Variants in TTLL5 observed in about 807,000 individuals in gnomAD.
The protein encoded by TTLL5 is tubulin polyglutamylase TTLL5.
In TTLL5, 132 loss-of-function variants were observed where a neutral mutation model predicts 168.4. The ratio of observed to expected loss-of-function variants is 0.78; its 90% CI spans 0.68 to 0.91. The LOEUF is 0.91. Ranked by LOEUF, TTLL5 falls within the 40% of genes least tolerant of loss-of-function variation. The probability of loss-of-function intolerance (pLI) is 0.00; values close to 1 mark genes in which losing one functional copy is unlikely to be tolerated. For missense variants in TTLL5, 1,545 were observed against 1,581.5 expected, an observed-to-expected ratio of 0.98 and a Z score of 0.39; for synonymous variants, 546 against 558.6, an observed-to-expected ratio of 0.98 and a Z score of 0.32.
intron 27 of TTLL5, among the ~76,000 whole-genome samples, chr14:75,818,820 G>A (rs1442276356): frequency 6.6e-6 from 1 of 152,064 alleles, no homozygotes; most frequent in African/African-American, 2.4e-5. Flanking sequence ...AAATGTTAAT[G>A]CATACGTAAT....
intron 9 of TTLL5, 129 bp downstream of exon 9, chr14:75,707,836 G>T (rs1024386828): frequency 1.3e-6 from 1 of 769,520 alleles, no homozygotes; most frequent in Non-Finnish European, 2.1e-6. Context: ...GCTTACAGAT[G>T]CAATCCACCT....
chr14:75,667,153 T>C (rs1270224530), intron 2 of TTLL5, among the ~76,000 whole-genome samples: 1 of 152,218 alleles, frequency 6.6e-6, no homozygotes. Context: ...TGTTAGAGAC[T>C]TGGCTTTCTA....
chr14:75,678,343 A>G (rs1056293804), intron 3 of TTLL5, among the ~76,000 whole-genome samples: 2 of 152,204 alleles, frequency 1.3e-5, no homozygotes, highest in Non-Finnish European at 2.9e-5. Context: ...ATGCCCTAAT[A>G]CATTATTCAG....
At chr14:75,817,635 AG>A (rs1894510125) in intron 27 of TTLL5, among the ~76,000 whole-genome samples, 1 of 152,106 alleles carries the variant, frequency 6.6e-6, no homozygotes, top group Non-Finnish European at 1.5e-5. Context: ...CAAAATTATT[AG>A]GCCCTTAGAA....
chr14:75,874,708 T>A (rs2031317404), intron 29 of TTLL5, among the ~76,000 whole-genome samples: 1 of 152,162 alleles, frequency 6.6e-6, no homozygotes, highest in African/African-American at 2.4e-5. Context: ...GAAATTATTT[T>A]AAGGAAATGA....
intron 20 of TTLL5, among the ~76,000 whole-genome samples, 174 bp downstream of exon 20, chr14:75,766,542 G>A (rs979000401): frequency 1.3e-5 from 2 of 152,136 alleles, no homozygotes; most frequent in African/African-American, 4.8e-5. Flanking sequence ...GCCTTAGAGA[G>A]GTTAGGTAAC....
intron 30 of TTLL5, chr14:75,887,187 G>A: frequency 1.0e-6 from 1 of 999,786 alleles, no homozygotes; most frequent in Non-Finnish European, 1.2e-6. Flanking sequence ...GGGTAGCCTG[G>A]TAGCACCAAA....
intron 10 of TTLL5, among the ~76,000 whole-genome samples, chr14:75,719,236 G>T (rs1413401159): frequency 2.0e-5 from 3 of 152,194 alleles, no homozygotes; most frequent in Non-Finnish European, 4.4e-5. Context: ...AAAGAGGAGG[G>T]AACCTGCTTC....
At chr14:75,906,757 A>G (rs1451732210) in intron 31 of TTLL5, 2 of 976,588 alleles carry the variant, frequency 2.0e-6, no homozygotes, top group African/African-American at 3.5e-5. Flanking sequence ...AGTGGCTACC[A>G]AAAGAAGTTC....
At chr14:75,882,957 T>G in intron 30 of TTLL5, 55 bp downstream of exon 30, 1 of 1,553,606 alleles carries the variant, frequency 6.4e-7, no homozygotes, top group Non-Finnish European at 8.8e-7. Flanking sequence ...AAGCTAATAG[T>G]ACTCTTTATT....
chr14:75,663,033 C>A, intron 1 of TTLL5, 22 bp from the exon 2 acceptor site: 2 of 821,290 alleles, frequency 2.4e-6, no homozygotes, highest in East Asian at 2.6e-5. Flanking sequence ...TCAATTGATC[C>A]AATCAAGTTG....
chr14:75,781,838 C>G (rs368024654), intron 24 of TTLL5, among the ~76,000 whole-genome samples: 2 of 151,906 alleles, frequency 1.3e-5, no homozygotes, highest in Non-Finnish European at 2.9e-5. Context: ...ACCTGTAAAT[C>G]CCAAGTACTC....
chr14:75,752,984 G>A (rs1238429728), intron 18 of TTLL5, 29 bp downstream of exon 18: 2 of 1,591,756 alleles, frequency 1.3e-6, no homozygotes, highest in South Asian at 1.1e-5. Context: ...TTAAATTTAG[G>A]ACTAGATCAC....
chr14:75,813,258 CTGTGTGTGTGTTTG>C (rs1218396284), intron 27 of TTLL5, among the ~76,000 whole-genome samples: 36 of 116,710 alleles, frequency 3.1e-4, no homozygotes, highest in African/African-American at 1.1e-3. Context: ...TATCCAGGCA[CTGTGTGTGTGTTTG>C]TGTGTGTGTG....
chr14:75,838,601 A>G (rs1896018484), intron 28 of TTLL5: 1 of 152,364 alleles, frequency 6.6e-6, no homozygotes, highest in African/African-American at 2.4e-5. Context: ...GTGGCATCAA[A>G]GGTAGTCTTG....
intron 30 of TTLL5, among the ~76,000 whole-genome samples, chr14:75,889,868 CGAGG>C (rs1201552703): frequency 3.4e-4 from 30 of 88,546 alleles, no homozygotes; most frequent in South Asian, 1.4e-3. Flanking sequence ...AGGGAAGAAG[CGAGG>C]GAGGGAGGGA....
intron 3 of TTLL5, among the ~76,000 whole-genome samples, chr14:75,678,223 A>G (rs1367426739): frequency 6.6e-6 from 1 of 152,236 alleles, no homozygotes; most frequent in East Asian, 1.9e-4. Flanking sequence ...ACAAGTTACA[A>G]AAATAGTACA....
chr14:75,904,347 GT>G, intron 31 of TTLL5: 1 of 811,952 alleles, frequency 1.2e-6, no homozygotes, highest in Non-Finnish European at 1.5e-6. Flanking sequence ...AAGGATTTCT[GT>G]GAGATACCCT....
intron 28 of TTLL5, among the ~76,000 whole-genome samples, chr14:75,861,519 C>T (rs1378777440): frequency 6.6e-6 from 1 of 152,180 alleles, no homozygotes; most frequent in African/African-American, 2.4e-5. Flanking sequence ...TGTAGCCTCA[C>T]TTCAGGGTTC....
Sources: gnomAD v4.1 joint callset for allele counts (sites outside exome capture counted in the v4.1 genomes callset) on GRCh38, gnomAD v4.1.1 for gene constraint, MANE v1.5 for transcripts, NCBI Gene and HGNC (gene_info 2026-07-23, HGNC 2026-07-21) for gene names.